Variants in CSMD3 observed in about 807,000 individuals in gnomAD.
CSMD3 encodes the protein CUB and sushi domain-containing protein 3.
CSMD3 carries 177 observed loss-of-function variants against 435.2 expected under a neutral mutation model. That is an observed-to-expected ratio of 0.41 (90% CI 0.36 to 0.46). CSMD3 has a LOEUF of 0.46. CSMD3 is among the 20% of genes least tolerant of loss of function. CSMD3 has a pLI of 0.34. For synonymous variants in CSMD3, 1,656 were observed against 1,520.5 expected (o/e 1.09, Z -2.07); for missense variants, 4,265 against 4,504.6 (o/e 0.95, Z 1.52).
chr8:113,201,444 A>T (rs936729999), intron 3 of CSMD3, among the ~76,000 whole-genome samples: 1 of 152,018 alleles, frequency 6.6e-6, no homozygotes, highest in Non-Finnish European at 1.5e-5. Context: ...AGTCAGAATG[A>T]CACAAATCAA....
At chr8:113,171,270 T>G (rs986962573) in intron 4 of CSMD3, among the ~76,000 whole-genome samples, 1 of 151,920 alleles carries the variant, frequency 6.6e-6, no homozygotes, top group African/African-American at 2.4e-5. Context: ...TTCATCCCAG[T>G]ATAGCTAAAA....
intron 6 of CSMD3, 37 bp downstream of exon 6, chr8:113,019,030 A>T: frequency 7.9e-7 from 1 of 1,273,372 alleles, no homozygotes; most frequent in South Asian, 1.2e-5. Context: ...AAATTATTTT[A>T]CATATCAAAA....
intron 59 of CSMD3, among the ~76,000 whole-genome samples, chr8:112,267,202 T>G (rs2130433550): frequency 1.3e-5 from 2 of 152,292 alleles, no homozygotes; most frequent in East Asian, 1.9e-4. Context: ...CTGTTGATTC[T>G]AAGAAGTTTT....
chr8:113,297,253 T>C (rs1418046939), intron 2 of CSMD3, among the ~76,000 whole-genome samples: 1 of 152,022 alleles, frequency 6.6e-6, no homozygotes, highest in Non-Finnish European at 1.5e-5. Context: ...AAAACTATAG[T>C]GTTTAAGTCA....
At chr8:112,281,696 A>T (rs984854282) in intron 58 of CSMD3, among the ~76,000 whole-genome samples, 5 of 152,168 alleles carry the variant, frequency 3.3e-5, no homozygotes, top group Non-Finnish European at 5.9e-5. Context: ...AAAGCAACTC[A>T]TGTAAAATTG....
At chr8:112,695,760 G>T (rs2076239428) in intron 13 of CSMD3, among the ~76,000 whole-genome samples, 1 of 152,078 alleles carries the variant, frequency 6.6e-6, no homozygotes, top group African/African-American at 2.4e-5. Flanking sequence ...AGAAATAAAG[G>T]GTATTCAGTT....
intron 1 of CSMD3, among the ~76,000 whole-genome samples, chr8:113,407,181 TG>T (rs2094536440): frequency 6.6e-6 from 1 of 152,192 alleles, no homozygotes; most frequent in South Asian, 2.1e-4. Flanking sequence ...TAATCAATAA[TG>T]TTTTATATAA....
rs367726756 is a variant in CSMD3, at chr8:112,247,166, C to A, written c.10111-35G>T. On this transcript the variant is annotated intron_variant, in intron 63 of 70. Transcript: ENST00000297405. ...ATTAAAGAGAGGAAAAAAATATTCC[C>A]CTACAACTTCAAATATGGCAACAAA... The A allele has an allele frequency of 4.6e-6, 6 of 1,308,812 alleles. No individual in the cohort carries two copies. The African/African-American group carries it at 5.8e-5, about 13-fold the overall frequency. The allele number at this position is 1,308,812 out of a possible 1,614,324, so 81.1% of individuals were successfully genotyped here. A position where few individuals can be genotyped will look rare whatever the true frequency, so the allele number is the denominator to read the frequency against.
At chr8:113,063,508 A>T (rs996235012) in intron 5 of CSMD3, among the ~76,000 whole-genome samples, 2 of 152,124 alleles carry the variant, frequency 1.3e-5, no homozygotes, top group East Asian at 3.9e-4. Flanking sequence ...GACAAGATTC[A>T]TGTCAAGCAT....
chr8:112,415,663 T>G (rs116676464), intron 32 of CSMD3, among the ~76,000 whole-genome samples: 1 of 152,176 alleles, frequency 6.6e-6, no homozygotes, highest in Non-Finnish European at 1.5e-5. Flanking sequence ...TGCCAGTCTA[T>G]GAAAGCAGCC....
intron 32 of CSMD3, among the ~76,000 whole-genome samples, chr8:112,436,830 T>C (rs1814409418): frequency 1.3e-5 from 2 of 151,996 alleles, no homozygotes; most frequent in East Asian, 3.9e-4. Flanking sequence ...AAATATATTA[T>C]TGGAAATGAA....
At chr8:113,052,330 A>T (rs1395739753) in intron 5 of CSMD3, among the ~76,000 whole-genome samples, 2 of 152,210 alleles carry the variant, frequency 1.3e-5, no homozygotes, top group African/African-American at 4.8e-5. Context: ...CTAGCCTTTC[A>T]ACCTTAAAAA....
intron 35 of CSMD3, among the ~76,000 whole-genome samples, chr8:112,397,055 A>C (rs1222992811): frequency 6.6e-6 from 1 of 152,212 alleles, no homozygotes; most frequent in Non-Finnish European, 1.5e-5. Flanking sequence ...ATAGCTCTGT[A>C]CTTGACTCTC....
chr8:112,696,129 C>T (rs758850694), intron 13 of CSMD3, among the ~76,000 whole-genome samples: 7 of 152,206 alleles, frequency 4.6e-5, no homozygotes, highest in African/African-American at 9.6e-5. Context: ...GAATCAGTAT[C>T]GTGAAAATGG....
intron 3 of CSMD3, among the ~76,000 whole-genome samples, chr8:113,259,016 G>GA (rs1335083699): frequency 6.6e-6 from 1 of 152,058 alleles, no homozygotes; most frequent in Non-Finnish European, 1.5e-5. Context: ...GCCATTTATT[G>GA]AAAAAGACAT....
intron 13 of CSMD3, among the ~76,000 whole-genome samples, chr8:112,762,832 T>C (rs1300937287): frequency 1.3e-5 from 2 of 151,760 alleles, no homozygotes; most frequent in African/African-American, 2.4e-5. Context: ...ATATCACTCA[T>C]ATGTGGAGTC....
At chr8:112,866,718 G>A (rs1038894469) in intron 10 of CSMD3, among the ~76,000 whole-genome samples, 2 of 152,086 alleles carry the variant, frequency 1.3e-5, no homozygotes, top group African/African-American at 2.4e-5. Flanking sequence ...TAGTGTCAGA[G>A]ACTAACTTGA....
chr8:113,248,621 C>T (rs2093303993), intron 3 of CSMD3, among the ~76,000 whole-genome samples: 1 of 148,540 alleles, frequency 6.7e-6, no homozygotes, highest in African/African-American at 2.5e-5. Flanking sequence ...TGACAAATGC[C>T]CTAGAGATAG....
At chr8:113,168,329 T>G (rs1201247758) in intron 4 of CSMD3, among the ~76,000 whole-genome samples, 1 of 151,872 alleles carries the variant, frequency 6.6e-6, no homozygotes, top group Non-Finnish European at 1.5e-5. Flanking sequence ...GATCAAGACC[T>G]GGCCAACATG....
Sources: allele counts gnomAD v4.1 joint callset (sites outside exome capture counted in the v4.1 genomes callset), GRCh38; gene constraint gnomAD v4.1.1; transcripts MANE v1.5; gene names NCBI Gene and HGNC (gene_info 2026-07-23, HGNC 2026-07-21).